SEC16B: variants seen among roughly 807,000 people sequenced by gnomAD.
The protein encoded by SEC16B is SEC16 homolog B, endoplasmic reticulum export factor.
A neutral mutation model predicts 141.8 loss-of-function variants in SEC16B; 115 were observed. That is an observed-to-expected ratio of 0.81 (90% CI 0.70 to 0.95). The LOEUF is 0.95. Ranked by LOEUF, SEC16B falls within the 40% of genes least tolerant of loss-of-function variation. The pLI, the probability that SEC16B is intolerant of heterozygous loss-of-function variation, is 0.00. For missense variants in SEC16B, 1,291 were observed against 1,312.3 expected (o/e 0.98, Z 0.25); for synonymous variants, 493 against 492.5 (o/e 1.00, Z -0.01).
intron 5 of SEC16B, among the ~76,000 whole-genome samples, chr1:177,963,492 A>T (rs1653248094): frequency 6.6e-6 from 1 of 151,998 alleles, no homozygotes; most frequent in Non-Finnish European, 1.5e-5. Context: ...AATCCCAGCT[A>T]CTCGGGAGGC....
Position 177,937,296 on chromosome 1 carries a change from T to G in SEC16B, c.2421A>C (p.Pro807=). The G allele has an allele frequency of 1.9e-6, 3 of 1,613,894 alleles. No individual in the cohort carries two copies. Among genetic ancestry groups the G allele is most frequent in the Non-Finnish European group, 2.5e-6 (3 of 1,179,872 alleles). Residue 807 remains proline, a synonymous_variant, in exon 19 of 26, where the codon CCA becomes CCC. Coordinates refer to ENST00000308284, the MANE Select transcript of SEC16B (RefSeq NM_033127.4). ...PFYSVPETHL[P]GTGSSVAVTE... is the part of the protein sequence containing the mutation. ...TCACTGCCACGCTGCTGCCAGTCCCTGGTAGATGGGTCTCAGGAACTGAGT... is the reference window on the plus strand; with the variant it reads ...TCACTGCCACGCTGCTGCCAGTCCCGGGTAGATGGGTCTCAGGAACTGAGT...
At chr1:177,964,148 G>A in intron 5 of SEC16B, 23 bp downstream of exon 5, 1 of 1,556,124 alleles carries the variant, frequency 6.4e-7, no homozygotes, top group Non-Finnish European at 8.8e-7. Flanking sequence ...ACAGTCTCCA[G>A]CCCCCACGTC....
At chr1:177,970,720 G>A (rs1373801083), upstream of SEC16B, among the ~76,000 whole-genome samples, 3 of 152,152 alleles carry the variant, frequency 2.0e-5, no homozygotes, top group East Asian at 1.9e-4. Context: ...GTAGTTTCTC[G>A]CACTTGAAAT....
In SEC16B at chr1:177,941,941, C is replaced by G. The variant is rs746715168; in HGVS notation, c.1981G>C (p.Gly661Arg). ...EAIGAAVLSQ[G>R]ESSHPVLLVE... Reference sequence around the variant, plus strand: ...AATAGCACAGGGTGACTGCTCTCTCCCTGGCTCAAGACAGCTGCACCAATG... The same window carrying G: ...AATAGCACAGGGTGACTGCTCTCTCGCTGGCTCAAGACAGCTGCACCAATG... The change falls in exon 16 of 26, where the codon GGA (glycine) becomes CGA (arginine). Residue 661 changes from glycine (G) to arginine (R), a missense_variant. Around this residue, in one of 3 missense-constraint regions of SEC16B, gnomAD observed 605 missense variants for 614.1 expected, o/e 0.99. Coordinates refer to ENST00000308284, the MANE Select transcript of SEC16B (RefSeq NM_033127.4). 1.2e-6 allele frequency: 2 copies of G among 1,614,046 alleles called. No individual in the cohort carries two copies. Among genetic ancestry groups the G allele is most frequent in the Admixed American group, 3.3e-5 (2 of 60,028 alleles).
At position 177,967,785 on chromosome 1, in the gene SEC16B, T is replaced by C. The variant is rs1342679564; in HGVS notation, c.197A>G (p.His66Arg). 5 of 1,614,036 alleles carry C rather than the reference T, an allele frequency of 3.1e-6. No individual in the cohort carries two copies. The East Asian group carries it at 8.9e-5, about 29-fold the overall frequency. ...PQPQQEPRADHQQQPHYASRP... is the reference protein window; with the variant it reads ...PQPQQEPRADRQQQPHYASRP... ...GGATGCATAATGGGGCTGCTGCTGATGGTCTGCCCTGGGCTCCTGCTGTGG... is the reference window on the plus strand; with the variant it reads ...GGATGCATAATGGGGCTGCTGCTGACGGTCTGCCCTGGGCTCCTGCTGTGG... The change falls in exon 2 of 26, where the codon CAT (histidine) becomes CGT (arginine). Residue 66 changes from histidine (H) to arginine (R), a missense_variant. By Grantham distance (29) the His-to-Arg change is conservative. Around this residue, in one of 3 missense-constraint regions of SEC16B, gnomAD observed 681 missense variants for 675.5 expected, o/e 1.01. Coordinates refer to ENST00000308284, the MANE Select transcript of SEC16B (RefSeq NM_033127.4).
At chr1:177,953,544 A>G (rs1357775277) in intron 11 of SEC16B, among the ~76,000 whole-genome samples, 3 of 152,184 alleles carry the variant, frequency 2.0e-5, no homozygotes, top group Non-Finnish European at 4.4e-5. Context: ...GGACTTATTC[A>G]GAAACCCTTC....
intron 17 of SEC16B, 140 bp from the exon 18 acceptor site, chr1:177,939,917 G>A (rs984522682): frequency 1.3e-4 from 88 of 694,624 alleles, no homozygotes; most frequent in African/African-American, 1.2e-3. Context: ...TATGCTTAGG[G>A]GCCTGGGGGG....
intron 12 of SEC16B, chr1:177,948,605 G>T: frequency 7.7e-7 from 1 of 1,303,864 alleles, no homozygotes; most frequent in East Asian, 5.5e-5. Flanking sequence ...CGCATCAATG[G>T]TGTTTTCCCC....
chr1:177,956,928 G>A (rs904191223), intron 10 of SEC16B, among the ~76,000 whole-genome samples: 8 of 152,164 alleles, frequency 5.3e-5, no homozygotes, highest in Non-Finnish European at 8.8e-5. Context: ...AAGTTATGAT[G>A]TCGGGTTAGG....
At chr1:177,956,939 TG>T (rs1356996680) in intron 10 of SEC16B, among the ~76,000 whole-genome samples, 2 of 152,176 alleles carry the variant, frequency 1.3e-5, no homozygotes, top group Non-Finnish European at 2.9e-5. Context: ...TCGGGTTAGG[TG>T]TATCAAATGC....
In SEC16B at chr1:177,960,915, G is replaced by A; in HGVS notation, c.812C>T (p.Ala271Val). The A allele has an allele frequency of 1.2e-6, 2 of 1,613,972 alleles. No individual in the cohort carries two copies. The highest frequency in any genetic ancestry group is 2.2e-5 in the South Asian group (2 of 91,082). ...QADVSSAGPKAPMKFYIPHVP... is the reference protein window; with the variant it reads ...QADVSSAGPKVPMKFYIPHVP... ...ATGAGGGATGTAGAACTTCATGGGT[G>A]CTTTGGGACCAGCTGAGGAGACATC... Residue 271 changes from alanine (A) to valine (V), a missense_variant, in exon 7 of 26, where the codon GCA becomes GTA. Physicochemically the swap from Ala to Val is moderately conservative, Grantham distance 64. Coordinates refer to ENST00000308284, the MANE Select transcript of SEC16B (RefSeq NM_033127.4).
intron 10 of SEC16B, 51 bp from the exon 11 acceptor site, chr1:177,954,427 C>A: frequency 6.9e-7 from 1 of 1,456,454 alleles, no homozygotes; most frequent in Non-Finnish European, 9.4e-7. Context: ...CTTCCACTCA[C>A]AAGTTCCTGT....
intron 1 of SEC16B, among the ~76,000 whole-genome samples, chr1:177,969,252 C>T (rs961171139): frequency 2.0e-5 from 3 of 152,162 alleles, no homozygotes; most frequent in Non-Finnish European, 4.4e-5. Flanking sequence ...TCACTCTGCT[C>T]AAACACCAGG....
intron 15 of SEC16B, 141 bp downstream of exon 15, chr1:177,944,413 TCCTACAC>T (rs1651513296): frequency 1.5e-6 from 1 of 646,652 alleles, no homozygotes; most frequent in Non-Finnish European, 2.7e-6. Context: ...TAAAAAGAAA[TCCTACAC>T]CCTCCCACGC....
Position 177,965,979 on chromosome 1 carries a change from C to T in SEC16B, c.326G>A (p.Ser109Asn), listed in dbSNP as rs550949368. ...SRPGYENSYQ[S>N]YQSPTMREEY... ...CTCCCTCATTGTGGGAGACTGATAG[C>T]TCTGATATGAATTCTCATAACCTGG... is the stretch of plus-strand genomic sequence containing the variant. The change falls in exon 3 of 26, where the codon AGC becomes AAC. Residue 109 changes from serine (S) to asparagine (N), a missense_variant. By Grantham distance (46) the Ser-to-Asn change is conservative. This residue lies in a region of SEC16B where 681 missense variants were observed against 675.5 expected (regional missense o/e 1.01). Coordinates refer to ENST00000308284, the MANE Select transcript of SEC16B (RefSeq NM_033127.4). 1.9e-6 allele frequency: 3 copies of T among 1,590,694 alleles called. No homozygotes were observed. The highest frequency in any genetic ancestry group is 3.5e-5 in the Admixed American group (2 of 56,856).
rs777859344 is a variant in SEC16B, at chr1:177,933,449, A to G, written c.2724+35T>C. 1.9e-6 allele frequency: 3 copies of G among 1,602,948 alleles called. No individual in the cohort carries two copies. The African/African-American group carries it at 4.0e-5, about 21-fold the overall frequency. ...CCTCGAGGAAGGGAATGGCAGGGGA[A>G]GGAAGGCAGGGGAGAGAAGAACAAG... On this transcript the variant is annotated intron_variant, in intron 21 of 25. Coordinates refer to ENST00000308284, the MANE Select transcript of SEC16B (RefSeq NM_033127.4).
intron 23 of SEC16B, 57 bp downstream of exon 23, chr1:177,932,641 A>AC: frequency 6.6e-7 from 1 of 1,509,128 alleles, no homozygotes; most frequent in Non-Finnish European, 8.9e-7. Flanking sequence ...AGGCACCCCA[A>AC]CCCTTGGGAG....
At chr1:177,957,768 T>G (rs956851040) in intron 10 of SEC16B, among the ~76,000 whole-genome samples, 1 of 151,998 alleles carries the variant, frequency 6.6e-6, no homozygotes, top group African/African-American at 2.4e-5. Context: ...ATTCTAACTT[T>G]TTTTTGCACC....
Position 177,932,428 on chromosome 1 carries a change from T to A in SEC16B, c.3012+62A>T, listed in dbSNP as rs114524950. ...GAGTCAGCACTGCCCACACTGAAGG[T>A]TCAGTCCTCACACACAGGCATCTGC... On this transcript the variant is annotated intron_variant, in intron 24 of 25. Transcript: ENST00000308284. 2.7e-3 allele frequency: 3,462 copies of A among 1,276,218 alleles called. 70 individuals are homozygous for A. The African/African-American group carries it at 0.047, about 17-fold the overall frequency. The allele number at this position is 1,276,218 out of a possible 1,614,324, so 79.1% of individuals were successfully genotyped here.
Sources: gnomAD v4.1 joint callset for allele counts (sites outside exome capture counted in the v4.1 genomes callset) on GRCh38, gnomAD v4.1.1 for gene constraint, gnomAD v4.1.1 regional missense constraint, MANE v1.5 for transcripts, NCBI Gene and HGNC (gene_info 2026-07-23, HGNC 2026-07-21) for gene names.